Variants in SORL1 observed in about 807,000 individuals in gnomAD.
SORL1 encodes the protein sortilin related receptor 1, also known as sortilin-related receptor.
SORL1 carries 127 observed loss-of-function variants against 273.7 expected under a neutral mutation model. That is an observed-to-expected ratio of 0.46 (90% CI 0.40 to 0.54). SORL1 has a LOEUF of 0.54. SORL1 is among the 20% of genes least tolerant of loss of function. SORL1 has a pLI of 0.00. For missense variants in SORL1, 2,494 were observed against 2,846.1 expected (o/e 0.88, Z 2.81); for synonymous variants, 1,031 against 1,067.4 (o/e 0.97, Z 0.66).
rs117812783 is a variant in SORL1, at chr11:121,474,096, A to G, written c.402+3973A>G. Among the ~76,000 whole-genome samples, 1,098 of 152,324 alleles carry G rather than the reference A, an allele frequency of 7.2e-3. 13 individuals carry two copies. The highest frequency in any genetic ancestry group is 0.026 in the South Asian group (124 of 4,828). The stretch of plus-strand genomic sequence containing the variant: ...CTGAAATCAGAACACCTGGGCTGGA[A>G]TCCCGGATGTGCCATTCATTAGCAA... On this transcript the variant is annotated intron_variant, in intron 2 of 47. Transcript: ENST00000260197.
intron 25 of SORL1, among the ~76,000 whole-genome samples, chr11:121,581,266 A>G (rs1438757907): frequency 2.0e-5 from 3 of 152,172 alleles, no homozygotes; most frequent in Non-Finnish European, 2.9e-5. Flanking sequence ...TTTCCCTGTT[A>G]TACTACTTAT....
intron 1 of SORL1, among the ~76,000 whole-genome samples, chr11:121,453,556 G>A (rs1250716196): frequency 6.6e-6 from 1 of 151,594 alleles, no homozygotes; most frequent in East Asian, 1.9e-4. Flanking sequence ...AGAGGAGGGG[G>A]TAAATACACT....
chr11:121,488,384 C>T (rs1347808514), intron 4 of SORL1, among the ~76,000 whole-genome samples, 191 bp downstream of exon 4: 1 of 152,160 alleles, frequency 6.6e-6, no homozygotes, highest in Admixed American at 6.5e-5. Context: ...TCTCAGTTGG[C>T]AGCCCAGCCA....
intron 38 of SORL1, chr11:121,610,761 A>G (rs1039977452): frequency 1.4e-4 from 32 of 231,304 alleles, no homozygotes; most frequent in Admixed American, 1.2e-3. Context: ...GCAGTGAATG[A>G]TCCCTGTTCC....
intron 41 of SORL1, among the ~76,000 whole-genome samples, chr11:121,616,515 C>G (rs774140013): frequency 7.9e-5 from 12 of 152,222 alleles, no homozygotes; most frequent in Non-Finnish European, 1.5e-4. Context: ...CTGGCGGTCA[C>G]CAGCCTTGTC....
Position 121,558,675 on chromosome 11 carries a change from G to A in SORL1, c.2748G>A (p.Val916=). 6.2e-7 allele frequency: 1 copy of A among 1,614,140 alleles called. No individual in the cohort carries two copies. Among genetic ancestry groups the A allele is most frequent in the South Asian group, 1.1e-5 (1 of 91,072 alleles). ...ATGGTTCTGCTGCCTATCACCTGGTGTCTGAGGATGTGAAGTGGCCCAATG... is the reference window on the plus strand; with the variant it reads ...ATGGTTCTGCTGCCTATCACCTGGTATCTGAGGATGTGAAGTGGCCCAATG... ...NMDGSAAYHL[V]SEDVKWPNGI... Residue 916 remains valine (V), a synonymous_variant, in exon 20 of 48, where the codon GTG becomes GTA. Coordinates refer to ENST00000260197, the MANE Select transcript of SORL1 (RefSeq NM_003105.6).
At chr11:121,482,472 G>A (rs1296052742) in intron 3 of SORL1, among the ~76,000 whole-genome samples, 2 of 152,234 alleles carry the variant, frequency 1.3e-5, no homozygotes, top group African/African-American at 4.8e-5. Context: ...GTGGGTTGGT[G>A]GGGGCAGCAT....
chr11:121,558,797 T>C lies in SORL1; in HGVS notation c.2870T>C (p.Leu957Pro), dbSNP rs1862631257. The C allele has an allele frequency of 6.2e-7, 1 of 1,614,216 alleles. No individual in the cohort carries two copies. Among genetic ancestry groups the C allele is most frequent in the Non-Finnish European group, 8.5e-7 (1 of 1,180,028 alleles). The change falls in exon 20 of 48, where the codon CTG becomes CCG. Residue 957 changes from leucine to proline, a missense_variant. Transcript: ENST00000260197. ...AGTGGCCAGCAGCGCTCTGTCATTC[T>C]GGACAACCTCCCGCACCCCTATGCC... ...TFSGQQRSVI[L>P]DNLPHPYAIA...
At chr11:121,617,892 C>T (rs1000048256) in intron 41 of SORL1, among the ~76,000 whole-genome samples, 5 of 152,182 alleles carry the variant, frequency 3.3e-5, no homozygotes, top group African/African-American at 9.7e-5. Context: ...TTTATTTCCT[C>T]TTGTAATTAA....
Position 121,550,420 on chromosome 11 carries a change from A to G in SORL1, c.2181-165A>G, listed in dbSNP as rs1022207608. The stretch of plus-strand genomic sequence containing the variant: ...TTGTCTGGGCCTGCCTAGTCTAATT[A>G]TAAGGAGAACTGACTCAGAACTACG... On this transcript the variant is annotated intron_variant, in intron 15 of 47. Transcript: ENST00000260197. This position sits in a 1 kb window ranked among gnomAD's most constrained non-coding sequence, Gnocchi z 5.3. 6.6e-6 allele frequency among the ~76,000 whole-genome samples: 1 copy of G among 152,236 alleles called. No individual in the cohort carries two copies. Among genetic ancestry groups the G allele is most frequent in the African/African-American group, 2.4e-5 (1 of 41,464 alleles).
At chr11:121,617,100 G>T (rs2134941725) in intron 41 of SORL1, among the ~76,000 whole-genome samples, 1 of 152,350 alleles carries the variant, frequency 6.6e-6, no homozygotes, top group South Asian at 2.1e-4. Flanking sequence ...TGGAGACCAA[G>T]GTTCTTTTGA....
At chr11:121,587,113 A>G (rs958150334) in intron 27 of SORL1, among the ~76,000 whole-genome samples, 2 of 152,198 alleles carry the variant, frequency 1.3e-5, no homozygotes, top group East Asian at 3.8e-4. Context: ...AGCAGTTGTG[A>G]CAGAGTCTGT....
chr11:121,503,497 C>T (rs1370904578), intron 6 of SORL1, among the ~76,000 whole-genome samples: 1 of 151,956 alleles, frequency 6.6e-6, no homozygotes. Context: ...TGGACTCCTT[C>T]TCTCTTTTTT....
Position 121,452,468 on chromosome 11 carries a change from G to C in SORL1, c.137G>C (p.Arg46Pro), listed in dbSNP as rs949112777. Residue 46 changes from arginine (R) to proline (P), a missense_variant, in exon 1 of 48, where the codon CGG (arginine) becomes CCG (proline). This residue lies in a region of SORL1 where 175 missense variants were observed against 147.1 expected (regional missense o/e 1.19). Transcript: ENST00000260197. The surrounding 1 kb of genome is among the most constrained non-coding windows in gnomAD (Gnocchi z 5.3). ...HGGSAPLPQD[R>P]GFLVVQGDPR... ...GGCAGCGCGCCCTTGCCCCAGGACC[G>C]GGGCTTCCTCGTGGTGCAGGGCGAC... The C allele has an allele frequency of 4.1e-5, 62 of 1,506,020 alleles. No individual in the cohort carries two copies. The highest frequency in any genetic ancestry group is 5.4e-5 in the Non-Finnish European group (61 of 1,128,312). The allele number at this position is 1,506,020 out of a possible 1,614,324, so 93.3% of individuals were successfully genotyped here. A position where few individuals can be genotyped will look rare whatever the true frequency, so the allele number is the denominator to read the frequency against.
rs878977687 is a variant in SORL1, at chr11:121,633,512, C to G, written c.*3949C>G. The G allele has an allele frequency of 5.3e-5, 8 of 152,222 alleles. 1 individual carries two copies. Among genetic ancestry groups the G allele is most frequent in the Admixed American group, 4.6e-4 (7 of 15,276 alleles). The allele number at this position is 152,222 out of a possible 1,614,324, so 9.4% of individuals were successfully genotyped here. On this transcript the variant is annotated 3_prime_UTR_variant, in exon 48 of 48. Coordinates refer to ENST00000260197, the MANE Select transcript of SORL1 (RefSeq NM_003105.6). ...AAAGTGAAACACTGTATACTTGTTT[C>G]TCTCCAAAGCGAAATTAAGTATTTA...
intron 2 of SORL1, among the ~76,000 whole-genome samples, chr11:121,475,645 C>G (rs1406945404): frequency 6.6e-6 from 1 of 152,120 alleles, no homozygotes; most frequent in East Asian, 1.9e-4. Flanking sequence ...TCCTACTTAG[C>G]AGAGAAACGT....
Position 121,633,412 on chromosome 11 carries a change from G to C in SORL1, c.*3849G>C, listed in dbSNP as rs541108798. On this transcript the variant is annotated 3_prime_UTR_variant, in exon 48 of 48. Coordinates refer to ENST00000260197, the MANE Select transcript of SORL1 (RefSeq NM_003105.6). ...TGTCACTTCTCATTTAAAGACTCTTGTTATGAACTATTAGAAACTTTAGGC... is the reference window on the plus strand; with the variant it reads ...TGTCACTTCTCATTTAAAGACTCTTCTTATGAACTATTAGAAACTTTAGGC... 6.6e-6 allele frequency: 1 copy of C among 152,278 alleles called. No individual in the cohort carries two copies. The highest frequency in any genetic ancestry group is 2.4e-5 in the African/African-American group (1 of 41,552). The allele number at this position is 152,278 out of a possible 1,614,324, so 9.4% of individuals were successfully genotyped here.
intron 3 of SORL1, among the ~76,000 whole-genome samples, chr11:121,482,353 C>T (rs1226857341): frequency 6.6e-6 from 1 of 152,162 alleles, no homozygotes; most frequent in Admixed American, 6.5e-5. Context: ...CTTAGATTCT[C>T]ATGGGTGGAT....
chr11:121,506,412 A>C (rs574297509), intron 6 of SORL1, among the ~76,000 whole-genome samples: 12 of 152,284 alleles, frequency 7.9e-5, no homozygotes, highest in African/African-American at 2.4e-4. Flanking sequence ...GTGGAAGGCA[A>C]GCAGGAGCAA....
Sources: allele counts gnomAD v4.1 joint callset (sites outside exome capture counted in the v4.1 genomes callset), GRCh38; gene constraint gnomAD v4.1.1; regional missense constraint gnomAD v4.1.1; non-coding constraint Gnocchi (gnomAD v3.1); transcripts MANE v1.5; gene names NCBI Gene and HGNC (gene_info 2026-07-23, HGNC 2026-07-21).